Variants in AQP9 observed in about 807,000 individuals in gnomAD.
AQP9 encodes aquaporin 9.
A neutral mutation model predicts 23.8 loss-of-function variants in AQP9; 19 were observed. The ratio of observed to expected loss-of-function variants is 0.80; its 90% CI spans 0.56 to 1.17. The LOEUF is 1.17. Among genes scored for constraint, AQP9 ranks in the 50% most tolerant of loss-of-function variants. The pLI is 0.00. For synonymous variants in AQP9, 153 were observed against 131.5 expected (o/e 1.16, Z -1.12); for missense variants, 413 against 362.0 (o/e 1.14, Z -1.14).
chr15:58,145,200 C>T (rs1367846600), intron 1 of AQP9, among the ~76,000 whole-genome samples: 1 of 151,784 alleles, frequency 6.6e-6, no homozygotes, highest in Admixed American at 6.6e-5. Flanking sequence ...TGTGCCCTTT[C>T]TATTAACGTA....
rs562913078 is a variant in AQP9, at chr15:58,182,207, T to C, written c.714-1754T>C. Among the ~76,000 whole-genome samples the C allele has an allele frequency of 2.0e-5, 3 of 152,302 alleles. No individual in the cohort carries two copies. The East Asian group carries it at 5.8e-4, about 29-fold the overall frequency. On this transcript the variant is annotated intron_variant, in intron 5 of 5. Coordinates refer to ENST00000219919, the MANE Select transcript of AQP9 (RefSeq NM_020980.5). Reference sequence around the variant, plus strand: ...TTCACATTGTTAATGACTTAATCAGTGAAAGCTCTCAGGAGTATTATTAAA... The same window carrying C: ...TTCACATTGTTAATGACTTAATCAGCGAAAGCTCTCAGGAGTATTATTAAA...
At chr15:58,145,943 G>A (rs1284057032) in intron 1 of AQP9, among the ~76,000 whole-genome samples, 1 of 152,154 alleles carries the variant, frequency 6.6e-6, no homozygotes, top group African/African-American at 2.4e-5. Context: ...TTTTTCAGGT[G>A]TCTCTGTCAT....
intron 1 of AQP9, among the ~76,000 whole-genome samples, chr15:58,143,980 C>A (rs1269360678): frequency 6.6e-6 from 1 of 152,202 alleles, no homozygotes; most frequent in Non-Finnish European, 1.5e-5. Flanking sequence ...TTATCACATA[C>A]TCAACCATCC....
intron 1 of AQP9, among the ~76,000 whole-genome samples, chr15:58,160,011 T>A (rs1030789835): frequency 1.3e-5 from 2 of 152,242 alleles, no homozygotes; most frequent in Non-Finnish European, 2.9e-5. Flanking sequence ...TTATTTCTTT[T>A]GGATACATGC....
intron 2 of AQP9, among the ~76,000 whole-genome samples, chr15:58,171,248 C>T (rs919338876): frequency 1.3e-5 from 2 of 152,100 alleles, no homozygotes; most frequent in South Asian, 2.1e-4. Context: ...CCACCACGCC[C>T]AGCTAATTTT....
chr15:58,165,308 C>T (rs1814461), intron 1 of AQP9, among the ~76,000 whole-genome samples: 38,094 of 152,052 alleles, frequency 0.25, 6,032 homozygotes, highest in African/African-American at 0.46. Context: ...AGTATTTCTT[C>T]AATGGACTGT....
rs534169220 is a variant in AQP9, at chr15:58,144,993, G to A, written c.111+6317G>A. Among the ~76,000 whole-genome samples, 6 of 127,608 alleles carry A rather than the reference G, an allele frequency of 4.7e-5. No homozygotes were observed. In the East Asian group the frequency reaches 9.7e-4, roughly 21 times the overall value. The allele number at this position is 127,608 out of a possible 152,430, so 83.7% of individuals were successfully genotyped here. On this transcript the variant is annotated intron_variant, in intron 1 of 5. Transcript: ENST00000219919. ...TGCGCCACTGCACTCTGGCCTGGGC[G>A]ATGAAGTGAGACTCCATCTCAAAAA... is the stretch of plus-strand genomic sequence containing the variant.
intron 1 of AQP9, among the ~76,000 whole-genome samples, chr15:58,161,811 C>G (rs1371768099): frequency 1.3e-5 from 2 of 152,062 alleles, no homozygotes; most frequent in African/African-American, 4.8e-5. Context: ...TATCAAAAAG[C>G]CATATGATTC....
chr15:58,141,228 C>G (rs899258367), intron 1 of AQP9, among the ~76,000 whole-genome samples: 8 of 152,196 alleles, frequency 5.3e-5, no homozygotes, highest in African/African-American at 1.9e-4. Flanking sequence ...TCCTACTACT[C>G]TATATATTCT....
intron 5 of AQP9, among the ~76,000 whole-genome samples, chr15:58,183,265 T>C (rs1240608264): frequency 2.0e-5 from 3 of 152,206 alleles, no homozygotes; most frequent in Non-Finnish European, 4.4e-5. Context: ...TTCTAAGAAA[T>C]TATTTACATG....
At chr15:58,154,668 C>T (rs1238449107) in intron 1 of AQP9, among the ~76,000 whole-genome samples, 2 of 152,000 alleles carry the variant, frequency 1.3e-5, no homozygotes, top group Non-Finnish European at 2.9e-5. Flanking sequence ...ATACTTGACC[C>T]TCATGTTTCA....
Position 58,185,412 on chromosome 15 carries a change from C to T in AQP9, c.*1277C>T, listed in dbSNP as rs1398990688. On this transcript the variant is annotated 3_prime_UTR_variant, in exon 6 of 6. Coordinates refer to ENST00000219919, the MANE Select transcript of AQP9 (RefSeq NM_020980.5). The stretch of plus-strand genomic sequence containing the variant: ...TCCTCAATCTTAAGATACAAAGACC[C>T]TCATTGTCTGGGTCTATTCCCACAC... The T allele has an allele frequency of 6.6e-6, 1 of 152,658 alleles. No homozygotes were observed. The highest frequency in any genetic ancestry group is 2.4e-5 in the African/African-American group (1 of 41,460). 9.5% of individuals were successfully genotyped at this position (152,658 alleles called of 1,614,324 possible).
chr15:58,140,678 G>A (rs1897935760), intron 1 of AQP9, among the ~76,000 whole-genome samples: 1 of 152,166 alleles, frequency 6.6e-6, no homozygotes, highest in African/African-American at 2.4e-5. Flanking sequence ...CTAGTAAAAA[G>A]CTTTGTACAT....
At chr15:58,183,871 T>G in intron 5 of AQP9, 90 bp from the exon 6 acceptor site, 30 of 1,418,108 alleles carry the variant, frequency 2.1e-5, no homozygotes, top group Non-Finnish European at 2.9e-5. Context: ...ACCATGAGTG[T>G]GAGAAAGACT....
At chr15:58,157,546 T>C (rs1323506063) in intron 1 of AQP9, among the ~76,000 whole-genome samples, 1 of 152,170 alleles carries the variant, frequency 6.6e-6, no homozygotes, top group Non-Finnish European at 1.5e-5. Context: ...GGCTGTTGGG[T>C]GTGGCTCATC....
At chr15:58,181,498 T>G (rs182361963) in intron 5 of AQP9, among the ~76,000 whole-genome samples, 1 of 152,292 alleles carries the variant, frequency 6.6e-6, no homozygotes, top group East Asian at 1.9e-4. Flanking sequence ...AGTATTTGGA[T>G]ATGCTTAAAC....
rs1274172241 is a variant in AQP9, at chr15:58,184,048, A to C, written c.801A>C (p.Glu267Asp). 3 of 1,614,104 alleles carry C rather than the reference A, an allele frequency of 1.9e-6. No individual in the cohort carries two copies. Among genetic ancestry groups the C allele is most frequent in the Non-Finnish European group, 2.5e-6 (3 of 1,180,004 alleles). ...IGGLIYVLVI[E>D]IHHPEPDSVF... is the part of the protein sequence containing the mutation. Reference sequence around the variant, plus strand: ...GCCTCATCTATGTTCTTGTCATTGAAATCCACCATCCAGAGCCTGACTCAG... The same window carrying C: ...GCCTCATCTATGTTCTTGTCATTGACATCCACCATCCAGAGCCTGACTCAG... Residue 267 changes from glutamate (E) to aspartate (D), a missense_variant, in exon 6 of 6, where the codon GAA becomes GAC. Glu to Asp is a conservative substitution (Grantham distance 45, BLOSUM62 2). Transcript: ENST00000219919.
chr15:58,155,560 A>G (rs576160500), intron 1 of AQP9: 3 of 152,230 alleles, frequency 2.0e-5, no homozygotes, highest in African/African-American at 7.2e-5. Flanking sequence ...TTTTGTTCTT[A>G]CATGAAACAG....
Position 58,147,460 on chromosome 15 carries a change from G to A in AQP9, c.111+8784G>A, listed in dbSNP as rs1898067852. ...CAGCAGGCATCTAATTTCATGTCTG[G>A]GGCAGGATTGCTGAGTTCACTGAAA... is the stretch of plus-strand genomic sequence containing the variant. On this transcript the variant is annotated intron_variant, in intron 1 of 5. Coordinates refer to ENST00000219919, the MANE Select transcript of AQP9 (RefSeq NM_020980.5). Among the ~76,000 whole-genome samples, 3 of 152,066 alleles carry A rather than the reference G, an allele frequency of 2.0e-5. No individual in the cohort carries two copies. The South Asian group carries it at 6.2e-4, about 32-fold the overall frequency.
Sources: gnomAD v4.1 joint callset for allele counts (sites outside exome capture counted in the v4.1 genomes callset) on GRCh38, gnomAD v4.1.1 for gene constraint, MANE v1.5 for transcripts, NCBI Gene and HGNC (gene_info 2026-07-23, HGNC 2026-07-21) for gene names.